Variants in CDH4 observed in about 807,000 individuals in gnomAD.
CDH4 encodes the protein cadherin 4.
CDH4 carries 33 observed loss-of-function variants against 86.0 expected under a neutral mutation model. The observed-to-expected ratio is 0.38, with a 90% confidence interval of 0.29 to 0.51. The LOEUF is 0.51. Ranked by LOEUF, CDH4 falls within the 20% of genes least tolerant of loss-of-function variation. The pLI, the probability that CDH4 is intolerant of heterozygous loss-of-function variation, is 0.86. For synonymous variants in CDH4, 555 were observed against 549.4 expected, an observed-to-expected ratio of 1.01 and a Z score of -0.14; for missense variants, 1,114 against 1,307.4, an observed-to-expected ratio of 0.85 and a Z score of 2.28.
chr20:61,900,980 TG>T (rs1212989121), intron 8 of CDH4, among the ~76,000 whole-genome samples: 1 of 152,192 alleles, frequency 6.6e-6, no homozygotes, highest in Non-Finnish European at 1.5e-5. Flanking sequence ...TAATGCCGAT[TG>T]ATAGCAATTG....
At chr20:61,798,536 C>T (rs537889523) in intron 4 of CDH4, among the ~76,000 whole-genome samples, 26 of 152,332 alleles carry the variant, frequency 1.7e-4, no homozygotes, top group African/African-American at 5.1e-4. Context: ...ACTCAACAGA[C>T]GCGGCTGCTG....
Position 61,607,117 on chromosome 20 carries a change from A to T in CDH4, c.170-136446A>T, listed in dbSNP as rs376691371. 2.0e-5 allele frequency among the ~76,000 whole-genome samples: 3 copies of T among 152,314 alleles called. No individual in the cohort carries two copies. The East Asian group carries it at 5.8e-4, about 29-fold the overall frequency. On this transcript the variant is annotated intron_variant, in intron 2 of 15. Coordinates refer to ENST00000614565, the MANE Select transcript of CDH4 (RefSeq NM_001794.5). ...GTTCTAACCTGCCTTTGCCACACAG[A>T]CCTGAAACCCAGGCACCAACCTGAA...
intron 2 of CDH4, among the ~76,000 whole-genome samples, chr20:61,404,892 T>C (rs561192803): frequency 6.6e-6 from 1 of 151,630 alleles, no homozygotes; most frequent in South Asian, 2.1e-4. Flanking sequence ...CTACTAAAAA[T>C]ACAAAAAATT....
intron 2 of CDH4, among the ~76,000 whole-genome samples, chr20:61,736,890 C>T (rs1023114459): frequency 3.9e-5 from 6 of 152,090 alleles, no homozygotes; most frequent in African/African-American, 9.7e-5. Flanking sequence ...CTGCCGAAGA[C>T]GTGGGTGACA....
intron 2 of CDH4, among the ~76,000 whole-genome samples, chr20:61,308,207 AG>A (rs2123217691): frequency 6.6e-6 from 1 of 152,320 alleles, no homozygotes; most frequent in South Asian, 2.1e-4. Context: ...GAATGTATGT[AG>A]CATACATTGA....
intron 4 of CDH4, among the ~76,000 whole-genome samples, chr20:61,820,332 G>T (rs1217885826): frequency 4.6e-5 from 7 of 152,232 alleles, no homozygotes; most frequent in African/African-American, 1.7e-4. Context: ...CGTGGGGGAC[G>T]TATGCAGCCA....
intron 7 of CDH4, among the ~76,000 whole-genome samples, chr20:61,888,712 G>A (rs1391619451): frequency 6.6e-6 from 1 of 152,194 alleles, no homozygotes; most frequent in African/African-American, 2.4e-5. Context: ...GACCCAGCGG[G>A]CATCGGGCTG....
At chr20:61,365,140 C>T (rs2084804223) in intron 2 of CDH4, among the ~76,000 whole-genome samples, 1 of 152,210 alleles carries the variant, frequency 6.6e-6, no homozygotes, top group Non-Finnish European at 1.5e-5. Flanking sequence ...CCCAACTCTA[C>T]TGTGTGCTTG....
intron 4 of CDH4, among the ~76,000 whole-genome samples, chr20:61,792,594 C>CA (rs1016298698): frequency 6.6e-6 from 1 of 152,076 alleles, no homozygotes; most frequent in African/African-American, 2.4e-5. Flanking sequence ...TAGTCCACCC[C>CA]AAAAAATGTA....
At chr20:61,912,417 C>T (rs1265167802) in intron 9 of CDH4, among the ~76,000 whole-genome samples, 1 of 152,172 alleles carries the variant, frequency 6.6e-6, no homozygotes, top group African/African-American at 2.4e-5. Context: ...TGTAAGCAAG[C>T]TAGTGAAGAC....
At chr20:61,925,313 C>T (rs1434846104) in intron 11 of CDH4, among the ~76,000 whole-genome samples, 1 of 152,216 alleles carries the variant, frequency 6.6e-6, no homozygotes, top group Non-Finnish European at 1.5e-5. Context: ...GGCATGGAGG[C>T]AGGGCGGGTG....
chr20:61,270,445 C>T (rs771325554), intron 2 of CDH4, among the ~76,000 whole-genome samples: 3 of 152,016 alleles, frequency 2.0e-5, no homozygotes, highest in Non-Finnish European at 2.9e-5. Context: ...AGTGCTGGGC[C>T]GAAGGCTATA....
rs993762009 is a variant in CDH4, at chr20:61,600,358, C to T, written c.170-143205C>T. ...TGTCCTCTCTGCAGCTCATCTCCTG[C>T]GAGGCACAGGCATGTTGTGATTGAG... is the stretch of plus-strand genomic sequence containing the variant. On this transcript the variant is annotated intron_variant, in intron 2 of 15. Transcript: ENST00000614565. Among the ~76,000 whole-genome samples the T allele has an allele frequency of 2.6e-5, 4 of 152,322 alleles. No individual in the cohort carries two copies. The East Asian group carries it at 5.8e-4, about 22-fold the overall frequency.
Position 61,759,525 on chromosome 20 carries a change from G to A in CDH4, c.397-13478G>A, listed in dbSNP as rs529921508. ...TCGCGGTCCTCACCAACGTCTTCCC[G>A]AATCACACACGCTGATGGCACCGAC... On this transcript the variant is annotated intron_variant, in intron 3 of 15. Coordinates refer to ENST00000614565, the MANE Select transcript of CDH4 (RefSeq NM_001794.5). Among the ~76,000 whole-genome samples the A allele has an allele frequency of 2.6e-5, 4 of 152,260 alleles. No individual in the cohort carries two copies. The South Asian group carries it at 6.2e-4, about 24-fold the overall frequency.
intron 2 of CDH4, among the ~76,000 whole-genome samples, chr20:61,729,893 T>C (rs1306068960): frequency 1.3e-5 from 2 of 152,214 alleles, no homozygotes; most frequent in Non-Finnish European, 2.9e-5. Context: ...GGTTTCACTG[T>C]TTTACTTTAT....
chr20:61,554,843 T>C (rs1465952640), intron 2 of CDH4, among the ~76,000 whole-genome samples: 1 of 152,214 alleles, frequency 6.6e-6, no homozygotes, highest in African/African-American at 2.4e-5. Context: ...CATCTGTGCA[T>C]GTATGCGTGA....
chr20:61,669,755 CAA>C (rs569724622), intron 2 of CDH4, among the ~76,000 whole-genome samples: 1 of 152,200 alleles, frequency 6.6e-6, no homozygotes, highest in Non-Finnish European at 1.5e-5. Context: ...CCCTCCGCTA[CAA>C]AAGACTTTAA....
intron 9 of CDH4, among the ~76,000 whole-genome samples, chr20:61,920,197 CATG>C (rs1173747356): frequency 3.6e-5 from 5 of 139,744 alleles, no homozygotes; most frequent in Admixed American, 2.9e-4. Context: ...AGCGTGGTGT[CATG>C]GTGACTGCGT....
chr20:61,528,146 TG>T (rs1453080117), intron 2 of CDH4, among the ~76,000 whole-genome samples: 1 of 138,222 alleles, frequency 7.2e-6, no homozygotes, highest in African/African-American at 2.7e-5. Context: ...GAGGCTGAGG[TG>T]GGAAGATCAC....
Sources: allele counts gnomAD v4.1 joint callset (sites outside exome capture counted in the v4.1 genomes callset), GRCh38; gene constraint gnomAD v4.1.1; transcripts MANE v1.5; gene names NCBI Gene and HGNC (gene_info 2026-07-23, HGNC 2026-07-21).